Variants in RUNDC3B observed in about 807,000 individuals in gnomAD.
The protein encoded by RUNDC3B is RUN domain containing 3B, also known as RUN domain-containing protein 3B.
A neutral mutation model predicts 58.4 loss-of-function variants in RUNDC3B; 33 were observed. The ratio of observed to expected loss-of-function variants is 0.56; its 90% CI spans 0.43 to 0.75. RUNDC3B has a LOEUF of 0.75. Among genes scored for constraint, RUNDC3B ranks in the 30% least tolerant of loss-of-function variants. The pLI is 0.00. For missense variants in RUNDC3B, 501 were observed against 535.7 expected (o/e 0.94, Z 0.64); for synonymous variants, 193 against 195.2 (o/e 0.99, Z 0.10).
chr7:87,825,120 G>A (rs1225882676), intron 10 of RUNDC3B, among the ~76,000 whole-genome samples: 6 of 152,058 alleles, frequency 3.9e-5, no homozygotes, highest in Admixed American at 1.3e-4. Context: ...CACTTGGGAG[G>A]CTGAGGCAGA....
chr7:87,715,406 T>G (rs1830490828), intron 4 of RUNDC3B, among the ~76,000 whole-genome samples: 1 of 128,926 alleles, frequency 7.8e-6, no homozygotes, highest in Admixed American at 8.9e-5. Flanking sequence ...ATATTTAATA[T>G]TTAATATAAT....
At chr7:87,825,427 CAGA>C (rs1837750027) in intron 10 of RUNDC3B, among the ~76,000 whole-genome samples, 1 of 152,102 alleles carries the variant, frequency 6.6e-6, no homozygotes, top group African/African-American at 2.4e-5. Context: ...GCCTAGATTT[CAGA>C]AGATGTAGGG....
At chr7:87,711,225 C>G (rs893680612) in intron 4 of RUNDC3B, among the ~76,000 whole-genome samples, 10 of 151,726 alleles carry the variant, frequency 6.6e-5, no homozygotes, top group Admixed American at 6.6e-4. Flanking sequence ...ACTCGGGAGG[C>G]GGAGGTAGGA....
At chr7:87,659,022 A>C (rs775870814) in intron 2 of RUNDC3B, among the ~76,000 whole-genome samples, 1 of 152,086 alleles carries the variant, frequency 6.6e-6, no homozygotes, top group Non-Finnish European at 1.5e-5. Flanking sequence ...ACATGGTGAT[A>C]TGCGTCTGTG....
At position 87,652,357 on chromosome 7, in the gene RUNDC3B, C is replaced by T. The variant is rs901016341; in HGVS notation, c.238+1420C>T. Among the ~76,000 whole-genome samples, 9 of 152,106 alleles carry T rather than the reference C, an allele frequency of 5.9e-5. No homozygotes were observed. The South Asian group carries it at 1.2e-3, about 21-fold the overall frequency. On this transcript the variant is annotated intron_variant, in intron 2 of 10. Transcript: ENST00000394654. ...CTACTATGTAAGTGGATGCCTCCTG[C>T]GCACTAATCTGCCATCTTCTGAGTT...
At chr7:87,749,825 A>G (rs185137510) in intron 6 of RUNDC3B, among the ~76,000 whole-genome samples, 5 of 152,102 alleles carry the variant, frequency 3.3e-5, no homozygotes, top group African/African-American at 9.6e-5. Flanking sequence ...ATGGCTTTTC[A>G]GCTTTTTCTA....
chr7:87,694,160 T>C lies in RUNDC3B; in HGVS notation c.239-6261T>C, dbSNP rs577675130. The C allele has an allele frequency of 8.4e-4, 389 of 464,058 alleles. 1 individual carries two copies. The highest frequency in any genetic ancestry group is 5.3e-3 in the Middle Eastern group (5 of 950). The allele number at this position is 464,058 out of a possible 1,614,324, so 28.7% of individuals were successfully genotyped here. ...TTATGCTAATTTTAAAATTAAAATC[T>C]TGTAAATCCACACAATATAATAACC... On this transcript the variant is annotated intron_variant, in intron 2 of 10. Coordinates refer to ENST00000394654, the MANE Select transcript of RUNDC3B (RefSeq NM_001134405.2).
chr7:87,759,965 A>AT (rs1370938405), intron 6 of RUNDC3B, among the ~76,000 whole-genome samples: 1 of 152,000 alleles, frequency 6.6e-6, no homozygotes, highest in Non-Finnish European at 1.5e-5. Flanking sequence ...AAATCGCTGA[A>AT]TTTTTTACAT....
At chr7:87,727,325 A>C (rs1325585950) in intron 4 of RUNDC3B, among the ~76,000 whole-genome samples, 1 of 152,188 alleles carries the variant, frequency 6.6e-6, no homozygotes, top group Non-Finnish European at 1.5e-5. Flanking sequence ...GTAATCCAGC[A>C]TATTAACAGA....
intron 2 of RUNDC3B, among the ~76,000 whole-genome samples, chr7:87,670,481 C>G (rs1343394391): frequency 6.6e-6 from 1 of 152,154 alleles, no homozygotes; most frequent in Admixed American, 6.6e-5. Context: ...GTTATTTCAG[C>G]CAGTACAGCC....
At chr7:87,691,782 C>T (rs1828038709) in intron 2 of RUNDC3B, among the ~76,000 whole-genome samples, 1 of 152,198 alleles carries the variant, frequency 6.6e-6, no homozygotes, top group South Asian at 2.1e-4. Context: ...GGAAATACAA[C>T]TGACTAATTA....
At chr7:87,778,305 T>C (rs1199633110) in intron 8 of RUNDC3B, among the ~76,000 whole-genome samples, 1 of 151,898 alleles carries the variant, frequency 6.6e-6, no homozygotes, top group Admixed American at 6.6e-5. Context: ...TAGCTAGGCA[T>C]GGTGGCATAT....
At chr7:87,669,251 ATGTT>A (rs979992341) in intron 2 of RUNDC3B, among the ~76,000 whole-genome samples, 9 of 151,484 alleles carry the variant, frequency 5.9e-5, no homozygotes, top group Admixed American at 2.0e-4. Flanking sequence ...GTCTTTTTTG[ATGTT>A]TGTTTATTTG....
rs1394102376 is a variant in RUNDC3B at position 87,636,416 on chromosome 7, C to CT, written c.122+7472dup. 3.3e-5 allele frequency among the ~76,000 whole-genome samples: 5 copies of CT among 152,232 alleles called. No homozygotes were observed. The South Asian group carries it at 1.0e-3, about 32-fold the overall frequency. On this transcript the variant is annotated intron_variant, in intron 1 of 10. Transcript: ENST00000394654. ...TCAAGTCACTTAGCAACTGGAATCT[C>CT]TGCTTTTTGTTTATTTTTTAGATGT... is the stretch of plus-strand genomic sequence containing the variant.
intron 6 of RUNDC3B, among the ~76,000 whole-genome samples, chr7:87,762,893 C>G (rs1282119133): frequency 2.0e-5 from 3 of 151,410 alleles, no homozygotes; most frequent in Admixed American, 6.6e-5. Context: ...AAAAACTACT[C>G]CGGCAGGCTT....
intron 4 of RUNDC3B, among the ~76,000 whole-genome samples, chr7:87,728,015 C>G (rs925517305): frequency 2.0e-5 from 3 of 152,092 alleles, no homozygotes; most frequent in African/African-American, 7.2e-5. Context: ...GTTAACTAAA[C>G]CTATCTTCTT....
chr7:87,781,579 T>A lies in RUNDC3B; in HGVS notation c.956+3624T>A, dbSNP rs142010978. ...CTTATTCTACTTCCCAAGGGGAATGTTTCCAGCCTTTGCCCATTCAGTATG... is the reference window on the plus strand; with the variant it reads ...CTTATTCTACTTCCCAAGGGGAATGATTCCAGCCTTTGCCCATTCAGTATG... On this transcript the variant is annotated intron_variant, in intron 8 of 10. Coordinates refer to ENST00000394654, the MANE Select transcript of RUNDC3B (RefSeq NM_001134405.2). Among the ~76,000 whole-genome samples the A allele has an allele frequency of 5.0e-3, 756 of 152,152 alleles. 7 individuals are homozygous for A. The highest frequency in any genetic ancestry group is 0.017 in the African/African-American group (724 of 41,540).
chr7:87,674,380 G>T (rs899412599), intron 2 of RUNDC3B, among the ~76,000 whole-genome samples: 2 of 152,082 alleles, frequency 1.3e-5, no homozygotes, highest in Non-Finnish European at 2.9e-5. Flanking sequence ...GTGGTTGCTG[G>T]TATCATTGTG....
intron 6 of RUNDC3B, among the ~76,000 whole-genome samples, chr7:87,741,817 CA>C (rs1221268995): frequency 6.6e-6 from 1 of 151,874 alleles, no homozygotes; most frequent in Admixed American, 6.6e-5. Flanking sequence ...TTTAAAATAA[CA>C]AAAACATTTA....
Sources: gnomAD v4.1 joint callset for allele counts (sites outside exome capture counted in the v4.1 genomes callset) on GRCh38, gnomAD v4.1.1 for gene constraint, MANE v1.5 for transcripts, NCBI Gene and HGNC (gene_info 2026-07-23, HGNC 2026-07-21) for gene names.